Variants in KCNN2 observed in about 807,000 individuals in gnomAD.
The protein encoded by KCNN2 is small conductance calcium-activated potassium channel protein 2.
A neutral mutation model predicts 55.5 loss-of-function variants in KCNN2; 24 were observed. That is an observed-to-expected ratio of 0.43 (90% confidence interval 0.31 to 0.61). KCNN2 has a LOEUF of 0.61. KCNN2 is among the 20% of genes least tolerant of loss of function. The pLI is 0.08. For missense variants in KCNN2, 754 were observed against 853.6 expected (o/e 0.88, Z 1.45); for synonymous variants, 431 against 336.1 (o/e 1.28, Z -3.09).
chr5:114,486,999 A>C, intron 5 of KCNN2, 51 bp from the exon 6 acceptor site: 1 of 1,606,388 alleles, frequency 6.2e-7, no homozygotes. Flanking sequence ...GCAAAGTTAC[A>C]AAGGATTCTG....
chr5:114,493,487 C>T lies in KCNN2; in HGVS notation c.2088+15C>T. On this transcript the variant is annotated intron_variant, in intron 7 of 7. Transcript: ENST00000673685. ...ACTTGGCAAAGGTAAGCCTGAGGTG[C>T]TTAGCCCTCCTAGTTGCATCTGTTG... The T allele has an allele frequency of 1.3e-6, 2 of 1,581,642 alleles. No individual in the cohort carries two copies. Among genetic ancestry groups the T allele is most frequent in the South Asian group, 2.2e-5 (2 of 90,392 alleles).
At chr5:114,490,649 T>C (rs867998045) in intron 6 of KCNN2, 3 of 398,070 alleles carry the variant, frequency 7.5e-6, no homozygotes, top group Middle Eastern at 6.3e-4. Context: ...TACAGTTTCT[T>C]TTCTTTTGTT....
chr5:114,313,210 C>T (rs1756440154), intron 2 of KCNN2, among the ~76,000 whole-genome samples: 1 of 152,108 alleles, frequency 6.6e-6, no homozygotes, highest in Admixed American at 6.6e-5. Context: ...ATTGTCACCT[C>T]CTTCAAATTA....
chr5:114,110,469 A>T (rs1160786800), intron 1 of KCNN2, among the ~76,000 whole-genome samples: 1 of 152,042 alleles, frequency 6.6e-6, no homozygotes, highest in Non-Finnish European at 1.5e-5. Flanking sequence ...TAGAAAACGG[A>T]ATTAAATCTG....
intron 2 of KCNN2, among the ~76,000 whole-genome samples, chr5:114,272,317 T>C (rs905675498): frequency 8.1e-5 from 12 of 148,134 alleles, no homozygotes; most frequent in South Asian, 2.1e-4. Context: ...CACACACACA[T>C]ATATGTATGT....
intron 3 of KCNN2, among the ~76,000 whole-genome samples, chr5:114,452,283 A>G (rs568336853): frequency 6.6e-6 from 1 of 152,260 alleles, no homozygotes; most frequent in East Asian, 1.9e-4. Context: ...TTTTATTTGA[A>G]TTTAGAACTG....
intron 1 of KCNN2, among the ~76,000 whole-genome samples, chr5:114,139,576 T>C (rs1048488620): frequency 1.3e-5 from 2 of 149,896 alleles, no homozygotes; most frequent in African/African-American, 2.4e-5. Flanking sequence ...AATAATAATT[T>C]AATGAATAAT....
intron 2 of KCNN2, among the ~76,000 whole-genome samples, chr5:114,351,568 T>C (rs1366976041): frequency 6.6e-6 from 1 of 151,882 alleles, no homozygotes; most frequent in Admixed American, 6.6e-5. Context: ...AAGTATGATA[T>C]TAGTAGTAGA....
intron 1 of KCNN2, among the ~76,000 whole-genome samples, chr5:114,073,811 AT>A (rs1338222035): frequency 6.6e-6 from 1 of 152,212 alleles, no homozygotes; most frequent in Non-Finnish European, 1.5e-5. Flanking sequence ...AAATAAAGCA[AT>A]TTCAGGACAG....
chr5:114,318,086 T>G (rs913714777), intron 2 of KCNN2, among the ~76,000 whole-genome samples: 1 of 152,358 alleles, frequency 6.6e-6, no homozygotes, highest in Middle Eastern at 3.4e-3. Flanking sequence ...CTATACTGAT[T>G]GTCTGCTCTT....
intron 4 of KCNN2, among the ~76,000 whole-genome samples, chr5:114,467,867 C>T (rs920135673): frequency 4.6e-5 from 7 of 152,156 alleles, no homozygotes; most frequent in Non-Finnish European, 1.0e-4. Flanking sequence ...TCTGAAGTAC[C>T]TGCACTCACA....
intron 2 of KCNN2, among the ~76,000 whole-genome samples, chr5:114,336,355 C>G (rs1756925260): frequency 1.3e-5 from 2 of 152,118 alleles, no homozygotes; most frequent in Admixed American, 1.3e-4. Flanking sequence ...TTTGAAAAAG[C>G]TTTGTTATGA....
At chr5:114,083,600 C>T (rs1750948223) in intron 1 of KCNN2, among the ~76,000 whole-genome samples, 1 of 151,810 alleles carries the variant, frequency 6.6e-6, no homozygotes, top group Non-Finnish European at 1.5e-5. Flanking sequence ...TCCCATGTAC[C>T]TCGTCTCTCT....
At chr5:114,328,925 G>A (rs1187180847) in intron 2 of KCNN2, among the ~76,000 whole-genome samples, 1 of 152,158 alleles carries the variant, frequency 6.6e-6, no homozygotes, top group African/African-American at 2.4e-5. Context: ...TGTATAGTGT[G>A]TATTTCTGCT....
chr5:114,062,147 A>C (rs1175208959), intron 1 of KCNN2, among the ~76,000 whole-genome samples: 1 of 151,790 alleles, frequency 6.6e-6, no homozygotes, highest in East Asian at 1.9e-4. Flanking sequence ...AACTTCACAG[A>C]CTTGTCACGT....
rs533070907 is a variant in KCNN2 at position 114,319,374 on chromosome 5, G to A, written c.-184-41571G>A. ...GCAGAAGCTACACAGGTATATCTCC[G>A]TGCAGTTCATACCCAGCCTTTGGTA... On this transcript the variant is annotated intron_variant, in intron 2 of 10. Coordinates refer to the KCNN2 transcript ENST00000512097. Among the ~76,000 whole-genome samples the A allele has an allele frequency of 6.6e-5, 10 of 152,250 alleles. 1 individual carries two copies. Among genetic ancestry groups the A allele is most frequent in the South Asian group, 2.1e-4 (1 of 4,824 alleles).
At chr5:114,062,113 T>TA (rs397787806) in intron 1 of KCNN2, among the ~76,000 whole-genome samples, 1 of 151,926 alleles carries the variant, frequency 6.6e-6, no homozygotes, top group Non-Finnish European at 1.5e-5. Context: ...TTTTTTTTTT[T>TA]ATAAAATTTA....
At chr5:114,282,047 C>G (rs13183236) in intron 2 of KCNN2, among the ~76,000 whole-genome samples, 2 of 151,916 alleles carry the variant, frequency 1.3e-5, no homozygotes, top group African/African-American at 4.8e-5. Flanking sequence ...ATTCTCATGA[C>G]TAATATTTAT....
intron 1 of KCNN2, among the ~76,000 whole-genome samples, chr5:114,098,843 T>A (rs1224942755): frequency 1.3e-5 from 2 of 152,100 alleles, no homozygotes; most frequent in African/African-American, 4.8e-5. Flanking sequence ...GGCATTTGGT[T>A]ACATACATAG....
Sources: gnomAD v4.1 joint callset for allele counts (sites outside exome capture counted in the v4.1 genomes callset) on GRCh38, gnomAD v4.1.1 for gene constraint, MANE v1.5 for transcripts, NCBI Gene and HGNC (gene_info 2026-07-23, HGNC 2026-07-21) for gene names.